The following ZMAT4 variants were observed in gnomAD, a reference collection of about 807,000 sequenced individuals.
The protein encoded by ZMAT4 is zinc finger matrin-type protein 4.
ZMAT4 carries 17 observed loss-of-function variants against 28.7 expected under a neutral mutation model. The observed-to-expected ratio is 0.59, with a 90% confidence interval of 0.41 to 0.89. ZMAT4 has a LOEUF of 0.89. ZMAT4 is among the 40% of genes least tolerant of loss of function. ZMAT4 has a pLI of 0.00. For synonymous variants in ZMAT4, 117 were observed against 109.2 expected (o/e 1.07, Z -0.44); for missense variants, 240 against 283.8 (o/e 0.85, Z 1.11).
At chr8:40,650,920 C>T (rs1025040532) in intron 5 of ZMAT4, among the ~76,000 whole-genome samples, 8 of 151,524 alleles carry the variant, frequency 5.3e-5, no homozygotes, top group African/African-American at 1.7e-4. Flanking sequence ...ATTGATGGGA[C>T]GTATCTCAAA....
At chr8:40,807,138 CAAAAAAAA>C (rs34726845) in intron 2 of ZMAT4, among the ~76,000 whole-genome samples, 1 of 90,272 alleles carries the variant, frequency 1.1e-5, no homozygotes, top group African/African-American at 4.5e-5. Context: ...GGGGTGAGGA[CAAAAAAAA>C]AAAAAAAAAA....
chr8:40,759,462 A>G (rs1330252430), intron 3 of ZMAT4, among the ~76,000 whole-genome samples: 1 of 152,094 alleles, frequency 6.6e-6, no homozygotes, highest in African/African-American at 2.4e-5. Flanking sequence ...CCCTCACAAA[A>G]AGAGACACAA....
chr8:40,618,992 TCTGGGAGCGAGTG>T (rs1806110702), intron 5 of ZMAT4, among the ~76,000 whole-genome samples: 3 of 152,220 alleles, frequency 2.0e-5, no homozygotes, highest in Non-Finnish European at 2.9e-5. Flanking sequence ...TACTGGGAAC[TCTGGGAGCGAGTG>T]TAAAGGAGTT....
chr8:40,658,359 C>A lies in ZMAT4; in HGVS notation c.577+16345G>T, dbSNP rs142501327. On this transcript the variant is annotated intron_variant, in intron 5 of 6. Coordinates refer to ENST00000297737, the MANE Select transcript of ZMAT4 (RefSeq NM_024645.3). ...TGATACATTGTATAAACTTTGGATT[C>A]TCTTATATTCCTCCAGAACATCGAT... Among the ~76,000 whole-genome samples the A allele has an allele frequency of 4.6e-3, 697 of 152,136 alleles. 7 individuals carry two copies. The highest frequency in any genetic ancestry group is 0.016 in the African/African-American group (653 of 41,494).
chr8:40,671,560 A>G (rs1808670027), intron 5 of ZMAT4, among the ~76,000 whole-genome samples: 1 of 152,230 alleles, frequency 6.6e-6, no homozygotes, highest in South Asian at 2.1e-4. Flanking sequence ...AATAAGCCAG[A>G]CACACAAGAA....
chr8:40,880,339 A>G (rs1818177499), intron 1 of ZMAT4, among the ~76,000 whole-genome samples: 1 of 151,868 alleles, frequency 6.6e-6, no homozygotes, highest in East Asian at 1.9e-4. Flanking sequence ...ATTGCACTCC[A>G]GCTTGGGCAA....
intron 5 of ZMAT4, 45 bp from the exon 6 acceptor site, chr8:40,581,306 C>A (rs1008499793): frequency 1.3e-6 from 2 of 1,531,614 alleles, no homozygotes; most frequent in Admixed American, 3.3e-5. Flanking sequence ...CAGTCGTCAA[C>A]CACCTGAAAT....
intron 2 of ZMAT4, among the ~76,000 whole-genome samples, chr8:40,797,839 C>T (rs1435632085): frequency 3.9e-5 from 6 of 152,170 alleles, no homozygotes; most frequent in African/African-American, 1.4e-4. Context: ...CTGTGTTGAA[C>T]ATTAGAACAT....
At chr8:40,782,488 AG>A (rs1813880654) in intron 2 of ZMAT4, among the ~76,000 whole-genome samples, 1 of 152,226 alleles carries the variant, frequency 6.6e-6, no homozygotes, top group Admixed American at 6.5e-5. Flanking sequence ...GTATCTGTTA[AG>A]GGACTTTTAT....
chr8:40,690,862 G>A (rs912319443), intron 4 of ZMAT4: 6 of 972,472 alleles, frequency 6.2e-6, no homozygotes, highest in Non-Finnish European at 7.3e-6. Flanking sequence ...TTTAGAAGAG[G>A]AATATACAAT....
chr8:40,647,220 A>G (rs949687456), intron 5 of ZMAT4, among the ~76,000 whole-genome samples: 3 of 152,050 alleles, frequency 2.0e-5, no homozygotes, highest in Non-Finnish European at 4.4e-5. Context: ...GGGTGCGCCC[A>G]CCGTGCGTGA....
intron 3 of ZMAT4, among the ~76,000 whole-genome samples, chr8:40,740,536 T>C (rs1205160799): frequency 6.6e-6 from 1 of 152,270 alleles, no homozygotes; most frequent in Non-Finnish European, 1.5e-5. Flanking sequence ...AGTGATATTT[T>C]AAGATATCTT....
At chr8:40,875,005 C>T (rs558807037) in intron 1 of ZMAT4, among the ~76,000 whole-genome samples, 1 of 152,326 alleles carries the variant, frequency 6.6e-6, no homozygotes, top group African/African-American at 2.4e-5. Context: ...CCCCAAAATG[C>T]ACATATGCTG....
intron 3 of ZMAT4, among the ~76,000 whole-genome samples, chr8:40,748,028 T>A (rs1812309726): frequency 6.6e-6 from 1 of 152,242 alleles, no homozygotes; most frequent in Non-Finnish European, 1.5e-5. Context: ...AATGACTATC[T>A]AAAATTATAT....
At chr8:40,684,088 G>A (rs958121355) in intron 4 of ZMAT4, among the ~76,000 whole-genome samples, 1 of 151,942 alleles carries the variant, frequency 6.6e-6, no homozygotes, top group African/African-American at 2.4e-5. Context: ...AAATCAGATG[G>A]CTACTAAATT....
chr8:40,638,647 T>A (rs1194361826), intron 5 of ZMAT4, among the ~76,000 whole-genome samples: 1 of 152,228 alleles, frequency 6.6e-6, no homozygotes, highest in Admixed American at 6.5e-5. Flanking sequence ...AGTGCATTCA[T>A]GAAAGTCAAA....
intron 5 of ZMAT4, among the ~76,000 whole-genome samples, chr8:40,605,306 G>A (rs868274069): frequency 1.3e-5 from 2 of 152,124 alleles, no homozygotes; most frequent in South Asian, 4.1e-4. Flanking sequence ...ACTTTTTGAT[G>A]TAGGCAGTTA....
At chr8:40,818,978 T>C (rs565618524) in intron 2 of ZMAT4, among the ~76,000 whole-genome samples, 1 of 152,286 alleles carries the variant, frequency 6.6e-6, no homozygotes, top group South Asian at 2.1e-4. Flanking sequence ...ATTTTCACCT[T>C]TTTATCACTA....
chr8:40,655,962 A>C (rs1211455592), intron 5 of ZMAT4, among the ~76,000 whole-genome samples: 1 of 152,150 alleles, frequency 6.6e-6, no homozygotes, highest in African/African-American at 2.4e-5. Flanking sequence ...AATGGAACTT[A>C]ATTAAAATTT....
Sources: allele counts gnomAD v4.1 joint callset (sites outside exome capture counted in the v4.1 genomes callset), GRCh38; gene constraint gnomAD v4.1.1; transcripts MANE v1.5; gene names NCBI Gene and HGNC (gene_info 2026-07-23, HGNC 2026-07-21).